Variants in ADCY8 observed in about 807,000 individuals in gnomAD.
The protein encoded by ADCY8 is adenylate cyclase type 8.
A neutral mutation model predicts 119.7 loss-of-function variants in ADCY8; 51 were observed. The observed-to-expected ratio is 0.43, with a 90% CI of 0.34 to 0.54. ADCY8 has a LOEUF of 0.54. ADCY8 is among the 20% of genes least tolerant of loss of function. The pLI is 0.03. For missense variants in ADCY8, 1,383 were observed against 1,598.8 expected, an observed-to-expected ratio of 0.87 and a Z score of 2.30; for synonymous variants, 665 against 651.0, an observed-to-expected ratio of 1.02 and a Z score of -0.33.
chr8:130,786,315 T>A (rs1815246975), intron 15 of ADCY8, among the ~76,000 whole-genome samples: 1 of 152,232 alleles, frequency 6.6e-6, no homozygotes. Context: ...GACATTTCCT[T>A]TACCTTTACC....
At chr8:130,813,693 A>G (rs1281344033) in intron 14 of ADCY8, among the ~76,000 whole-genome samples, 1 of 152,218 alleles carries the variant, frequency 6.6e-6, no homozygotes, top group African/African-American at 2.4e-5. Flanking sequence ...GCTTCTAGAT[A>G]TACAAATATG....
intron 2 of ADCY8, among the ~76,000 whole-genome samples, chr8:130,961,411 T>TTGTTCATAAA (rs1821600018): frequency 4.1e-5 from 3 of 73,634 alleles, no homozygotes; most frequent in Non-Finnish European, 1.1e-4. Flanking sequence ...TCTAATCACT[T>TTGTTCATAAA]TCTTCATAAA....
intron 11 of ADCY8, among the ~76,000 whole-genome samples, 173 bp downstream of exon 11, chr8:130,847,251 G>A (rs1421270430): frequency 6.6e-5 from 10 of 152,030 alleles, no homozygotes; most frequent in Admixed American, 2.6e-4. Context: ...AATATAAGGG[G>A]AGAAGGAAAG....
chr8:130,816,949 A>G (rs1816366518), intron 13 of ADCY8, among the ~76,000 whole-genome samples: 1 of 152,200 alleles, frequency 6.6e-6, no homozygotes, highest in Non-Finnish European at 1.5e-5. Flanking sequence ...TGTAAAAACA[A>G]ATAACCAAGC....
rs543946723 is a variant in ADCY8, at chr8:130,888,449, T to C, written c.1912-3688A>G. 2.0e-4 allele frequency among the ~76,000 whole-genome samples: 30 copies of C among 152,218 alleles called. No individual in the cohort carries two copies. In the South Asian group the frequency reaches 6.2e-3, roughly 32 times the overall value. The stretch of plus-strand genomic sequence containing the variant: ...GGGAAGTCAGTTGGAGCAGCAGAAA[T>C]GGCAGAGTTTGCAGCTGAGATGGCC... On this transcript the variant is annotated intron_variant, in intron 7 of 17. Coordinates refer to ENST00000286355, the MANE Select transcript of ADCY8 (RefSeq NM_001115.3).
chr8:131,020,911 A>T (rs972062920), intron 1 of ADCY8, among the ~76,000 whole-genome samples: 3 of 152,192 alleles, frequency 2.0e-5, no homozygotes, highest in African/African-American at 4.8e-5. Context: ...GCTATAAATT[A>T]TACATCAGAT....
rs550028353 is a variant in ADCY8, at chr8:131,040,247, G to A, written c.87C>T (p.Ser29=). The change falls in exon 1 of 18, where the codon AGC becomes AGT. Residue 29 remains serine (S), a synonymous_variant. Coordinates refer to ENST00000286355, the MANE Select transcript of ADCY8 (RefSeq NM_001115.3). ...ACAGCAGCCGCTGCGGCCGGGAGGC[G>A]CTCCTGCCGTCGCCGGCCGGGGGCG... is the stretch of plus-strand genomic sequence containing the variant. ...HPTPPAGDGR[S]ASRPQRLLWQ... The A allele has an allele frequency of 3.9e-6, 6 of 1,548,956 alleles. No homozygotes were observed. In the South Asian group the frequency reaches 7.0e-5, roughly 18 times the overall value.
At chr8:130,889,865 G>A (rs138233973) in intron 7 of ADCY8, among the ~76,000 whole-genome samples, 22 of 152,114 alleles carry the variant, frequency 1.4e-4, no homozygotes, top group African/African-American at 4.8e-4. Flanking sequence ...TAGCATCTAG[G>A]CATGTATCCT....
intron 12 of ADCY8, among the ~76,000 whole-genome samples, chr8:130,835,262 A>G (rs1816950536): frequency 6.6e-6 from 1 of 152,178 alleles, no homozygotes; most frequent in Non-Finnish European, 1.5e-5. Flanking sequence ...ATGTCATCAG[A>G]AAGTGCATGC....
intron 17 of ADCY8, among the ~76,000 whole-genome samples, chr8:130,782,084 T>A (rs1395310372): frequency 6.6e-6 from 1 of 151,862 alleles, no homozygotes; most frequent in Non-Finnish European, 1.5e-5. Context: ...TGGAAGAGAG[T>A]ATATCTCGGA....
intron 11 of ADCY8, among the ~76,000 whole-genome samples, chr8:130,846,528 C>CT (rs1563689366): frequency 4.7e-4 from 65 of 137,992 alleles, no homozygotes; most frequent in African/African-American, 1.9e-3. Context: ...CCCTCCCTCC[C>CT]TCCCTTCCTT....
chr8:131,037,413 A>G (rs986772234), intron 1 of ADCY8, among the ~76,000 whole-genome samples: 1 of 152,220 alleles, frequency 6.6e-6, no homozygotes, highest in Non-Finnish European at 1.5e-5. Context: ...ACTTGGCAAG[A>G]AAAATATATC....
intron 2 of ADCY8, among the ~76,000 whole-genome samples, chr8:130,967,812 T>C (rs1383248179): frequency 6.6e-6 from 1 of 152,308 alleles, no homozygotes; most frequent in East Asian, 1.9e-4. Context: ...TTTCCTGATT[T>C]GTTCAATCAT....
intron 7 of ADCY8, among the ~76,000 whole-genome samples, chr8:130,902,797 C>T (rs1172987224): frequency 1.3e-5 from 2 of 151,912 alleles, no homozygotes; most frequent in Non-Finnish European, 2.9e-5. Context: ...TCATGGTACT[C>T]TCAGCTTCTG....
intron 8 of ADCY8, among the ~76,000 whole-genome samples, chr8:130,878,604 G>A (rs910744414): frequency 6.6e-6 from 1 of 152,182 alleles, no homozygotes; most frequent in African/African-American, 2.4e-5. Context: ...CCAAAAAAGA[G>A]TATTTACCAA....
rs761354664 is a variant in ADCY8 at position 130,937,130 on chromosome 8, C to T, written c.1424G>A (p.Arg475His). ...YYCVSGLPEP[R>H]QDHAHCCVEM... ...AACACAGCAGTGGGCATGGTCCTGG[C>T]GGGGCTCAGGAAGTCCAGACACGCA... The change falls in exon 5 of 18, where the codon CGC (arginine) becomes CAC (histidine). Residue 475 changes from arginine to histidine, a missense_variant. Around this residue, in one of 2 missense-constraint regions of ADCY8, gnomAD observed 928 missense variants for 1,163.5 expected, o/e 0.80. Transcript: ENST00000286355. The T allele has an allele frequency of 2.5e-5, 40 of 1,613,594 alleles. No homozygotes were observed. The highest frequency in any genetic ancestry group is 1.2e-4 in the South Asian group (11 of 91,036).
chr8:130,807,082 G>C (rs1214150158), intron 14 of ADCY8, among the ~76,000 whole-genome samples: 2 of 152,190 alleles, frequency 1.3e-5, no homozygotes, highest in African/African-American at 4.8e-5. Flanking sequence ...ATCTTCCTCT[G>C]GTTGGTCGAA....
intron 12 of ADCY8, among the ~76,000 whole-genome samples, chr8:130,832,369 C>T (rs1586460495): frequency 1.3e-5 from 2 of 152,220 alleles, no homozygotes; most frequent in South Asian, 4.2e-4. Context: ...TTCTGTGCTA[C>T]CTTTTACATT....
chr8:130,913,421 C>A (rs1421388898), intron 5 of ADCY8, among the ~76,000 whole-genome samples: 1 of 152,132 alleles, frequency 6.6e-6, no homozygotes, highest in East Asian at 1.9e-4. Context: ...TTAGATTCTG[C>A]AAATAAGTGC....
Sources: gnomAD v4.1 joint callset for allele counts (sites outside exome capture counted in the v4.1 genomes callset) on GRCh38, gnomAD v4.1.1 for gene constraint, gnomAD v4.1.1 regional missense constraint, MANE v1.5 for transcripts, NCBI Gene and HGNC (gene_info 2026-07-23, HGNC 2026-07-21) for gene names.